The following PREX2 variants were observed in gnomAD, a reference collection of about 807,000 sequenced individuals.
The protein encoded by PREX2 is phosphatidylinositol 3,4,5-trisphosphate-dependent Rac exchanger 2 protein.
In PREX2, 107 loss-of-function variants were observed where a neutral mutation model predicts 203.2. That is an observed-to-expected ratio of 0.53 (90% CI 0.45 to 0.62). The LOEUF is 0.62. Ranked by LOEUF, PREX2 falls within the 20% of genes least tolerant of loss-of-function variation. The pLI is 0.00. For synonymous variants in PREX2, 672 were observed against 663.6 expected, an observed-to-expected ratio of 1.01 and a Z score of -0.19; for missense variants, 1,777 against 1,955.9, an observed-to-expected ratio of 0.91 and a Z score of 1.72.
At chr8:68,186,888 G>A (rs1812201359) in intron 35 of PREX2, among the ~76,000 whole-genome samples, 3 of 152,176 alleles carry the variant, frequency 2.0e-5, no homozygotes, top group African/African-American at 7.2e-5. Context: ...ACCTTTAAAA[G>A]TTATTTCTGT....
intron 37 of PREX2, among the ~76,000 whole-genome samples, chr8:68,209,805 G>C (rs1421793266): frequency 6.6e-6 from 1 of 152,222 alleles, no homozygotes; most frequent in East Asian, 1.9e-4. Flanking sequence ...AGTTTCAAGG[G>C]GTTGTGGCTA....
intron 10 of PREX2, 86 bp from the exon 11 acceptor site, chr8:68,060,593 A>G: frequency 1.2e-6 from 1 of 816,484 alleles, no homozygotes; most frequent in South Asian, 1.7e-5. Flanking sequence ...GATTCCTTTC[A>G]TCATTGCTTC....
chr8:68,044,147 A>G (rs868741960), intron 7 of PREX2, among the ~76,000 whole-genome samples: 1 of 152,112 alleles, frequency 6.6e-6, no homozygotes, highest in Non-Finnish European at 1.5e-5. Flanking sequence ...CTCAAATGAA[A>G]TTTTAAAATG....
In PREX2 at chr8:68,236,669, G is replaced by T. The variant is rs1335056751; in HGVS notation, c.*5291G>T. The T allele has an allele frequency of 6.6e-6, 1 of 152,052 alleles. No homozygotes were observed. The highest frequency in any genetic ancestry group is 1.5e-5 in the Non-Finnish European group (1 of 67,978). The allele number at this position is 152,052 out of a possible 1,614,324, so 9.4% of individuals were successfully genotyped here. ...CTGGCAAGTAAATGAGTAGAACAGAGCTTTTTGCCTAAAAATATTTTTATA... is the reference window on the plus strand; with the variant it reads ...CTGGCAAGTAAATGAGTAGAACAGATCTTTTTGCCTAAAAATATTTTTATA... On this transcript the variant is annotated 3_prime_UTR_variant, in exon 40 of 40. Transcript: ENST00000288368.
In PREX2 at chr8:68,097,910, A is replaced by G. The variant is rs114286191; in HGVS notation, c.2553+709A>G. Among the ~76,000 whole-genome samples the G allele has an allele frequency of 4.3e-3, 651 of 152,334 alleles. 4 individuals carry two copies. The highest frequency in any genetic ancestry group is 0.015 in the African/African-American group (626 of 41,590). ...GTGAAATACATTATAAGAAATTTCA[A>G]ATTTGGCAAGTGCCATGTTTATTTC... On this transcript the variant is annotated intron_variant, in intron 22 of 39. Coordinates refer to ENST00000288368, the MANE Select transcript of PREX2 (RefSeq NM_024870.4).
intron 1 of PREX2, among the ~76,000 whole-genome samples, chr8:67,981,872 T>C (rs926004128): frequency 6.6e-6 from 1 of 152,192 alleles, no homozygotes; most frequent in African/African-American, 2.4e-5. Context: ...AGTGACTTGG[T>C]TGCTCAATTG....
At chr8:68,146,077 A>G in intron 33 of PREX2, 132 bp from the exon 34 acceptor site, 7 of 618,118 alleles carry the variant, frequency 1.1e-5, no homozygotes, top group Non-Finnish European at 1.9e-5. Context: ...GTCGAATCCC[A>G]ACTTGATAAA....
chr8:68,190,275 T>C (rs1442040935), intron 35 of PREX2, among the ~76,000 whole-genome samples: 1 of 152,156 alleles, frequency 6.6e-6, no homozygotes, highest in African/African-American at 2.4e-5. Context: ...CCACCGACAT[T>C]AAAATGTCAC....
At chr8:68,192,566 A>G (rs769823840) in intron 37 of PREX2, 41 bp downstream of exon 37, 13 of 1,464,440 alleles carry the variant, frequency 8.9e-6, no homozygotes, top group Non-Finnish European at 1.2e-5. Flanking sequence ...TTGTTAGATC[A>G]CACTTTATTT....
At chr8:68,075,599 T>C (rs1809326047) in intron 14 of PREX2, among the ~76,000 whole-genome samples, 1 of 152,226 alleles carries the variant, frequency 6.6e-6, no homozygotes, top group South Asian at 2.1e-4. Flanking sequence ...TACTTACCTT[T>C]TAATGACCAA....
chr8:67,988,692 G>A (rs531317796), intron 1 of PREX2, among the ~76,000 whole-genome samples: 2 of 152,300 alleles, frequency 1.3e-5, no homozygotes, highest in East Asian at 1.9e-4. Flanking sequence ...AGTCTTGGGC[G>A]TAAGTTAGGG....
intron 1 of PREX2, among the ~76,000 whole-genome samples, chr8:68,006,189 T>G (rs1482349235): frequency 2.0e-5 from 3 of 152,178 alleles, no homozygotes; most frequent in Non-Finnish European, 2.9e-5. Flanking sequence ...CTGGCTGAGC[T>G]GGAGGGTAAG....
chr8:68,099,599 T>C (rs979125937), intron 22 of PREX2, 83 bp from the exon 23 acceptor site: 2 of 1,365,058 alleles, frequency 1.5e-6, no homozygotes, highest in Non-Finnish European at 1.0e-6. Context: ...GAAGTTTTTC[T>C]TCTTGTTTCG....
chr8:68,134,355 A>C (rs1811069152), intron 32 of PREX2, 79 bp downstream of exon 32: 1 of 1,161,288 alleles, frequency 8.6e-7, no homozygotes, highest in African/African-American at 1.5e-5. Context: ...AGAAGTAGTT[A>C]TTTCTTTCCC....
chr8:67,986,891 G>T (rs1806445423), intron 1 of PREX2, among the ~76,000 whole-genome samples: 1 of 152,066 alleles, frequency 6.6e-6, no homozygotes, highest in Admixed American at 6.6e-5. Context: ...ACTGGCCAGG[G>T]ATGGTGGCTC....
intron 1 of PREX2, 66 bp from the exon 2 acceptor site, chr8:68,017,780 C>A: frequency 7.6e-7 from 1 of 1,317,790 alleles, no homozygotes; most frequent in South Asian, 1.3e-5. Flanking sequence ...TAGTTTAATT[C>A]TACTCAACAC....
In PREX2 at chr8:68,192,502, C is replaced by T. The variant is rs747726231; in HGVS notation, c.4581C>T (p.Ile1527=). 5.6e-6 allele frequency: 9 copies of T among 1,613,102 alleles called. No individual in the cohort carries two copies. The highest frequency in any genetic ancestry group is 1.1e-5 in the South Asian group (1 of 91,014). ...ACAGGCTGGGCGCCTGCCACATCAT[C>T]ATGTGCAGCAGCGGTGTGCATCGGT... ...LCNRLGACHI[I]MCSSGVHRCT... Residue 1527 remains isoleucine, a synonymous_variant, in exon 37 of 40, where the codon ATC becomes ATT. Transcript: ENST00000288368.
At chr8:67,968,006 C>T (rs1563475047) in intron 1 of PREX2, among the ~76,000 whole-genome samples, 2 of 151,038 alleles carry the variant, frequency 1.3e-5, no homozygotes, top group African/African-American at 4.9e-5. Flanking sequence ...CACACCAACA[C>T]GGCACAGGTA....
chr8:68,086,237 G>A (rs1418156059), intron 18 of PREX2, among the ~76,000 whole-genome samples: 1 of 152,112 alleles, frequency 6.6e-6, no homozygotes, highest in Non-Finnish European at 1.5e-5. Flanking sequence ...TTTTCCGAGA[G>A]CAGAAAATCT....
Sources: gnomAD v4.1 joint callset for allele counts (sites outside exome capture counted in the v4.1 genomes callset) on GRCh38, gnomAD v4.1.1 for gene constraint, MANE v1.5 for transcripts, NCBI Gene and HGNC (gene_info 2026-07-23, HGNC 2026-07-21) for gene names.